Variants in GRIK2 observed in about 807,000 individuals in gnomAD.
GRIK2 encodes glutamate ionotropic receptor kainate type subunit 2.
In GRIK2, 32 loss-of-function variants were observed where a neutral mutation model predicts 100.3. The ratio of observed to expected loss-of-function variants is 0.32; its 90% CI spans 0.24 to 0.43. The LOEUF (loss-of-function observed/expected upper bound fraction) is 0.43. Among genes scored for constraint, GRIK2 ranks in the 20% least tolerant of loss-of-function variants. GRIK2 has a pLI of 1.00. For synonymous variants in GRIK2, 417 were observed against 389.4 expected (o/e 1.07, Z -0.83); for missense variants, 843 against 1,114.9 (o/e 0.76, Z 3.47).
intron 12 of GRIK2, chr6:101,891,710 T>C (rs940228632): frequency 5.6e-5 from 18 of 319,614 alleles, no homozygotes; most frequent in African/African-American, 4.1e-4. Flanking sequence ...TATTGCCATA[T>C]AGCATTTGAA....
chr6:101,822,625 C>A (rs572271852), intron 10 of GRIK2, among the ~76,000 whole-genome samples: 1 of 152,170 alleles, frequency 6.6e-6, no homozygotes, highest in Admixed American at 6.5e-5. Context: ...TACATGCCTA[C>A]TGTGTCCCAG....
intron 11 of GRIK2, among the ~76,000 whole-genome samples, chr6:101,861,425 A>T (rs1398884658): frequency 6.6e-6 from 1 of 152,184 alleles, no homozygotes; most frequent in Non-Finnish European, 1.5e-5. Context: ...AAGTTTTAGT[A>T]GTGAAGTTTA....
chr6:101,490,935 G>A (rs1773069825), intron 2 of GRIK2, among the ~76,000 whole-genome samples: 1 of 137,990 alleles, frequency 7.2e-6, no homozygotes, highest in Admixed American at 7.4e-5. Flanking sequence ...ATGCATGCGT[G>A]CACATACACA....
intron 2 of GRIK2, among the ~76,000 whole-genome samples, chr6:101,582,197 C>A (rs1011434677): frequency 6.6e-6 from 1 of 151,932 alleles, no homozygotes; most frequent in Admixed American, 6.6e-5. Context: ...TCAGGTATTT[C>A]TCCTAATGCT....
chr6:101,404,112 C>T (rs1237966717), intron 2 of GRIK2, among the ~76,000 whole-genome samples: 5 of 152,152 alleles, frequency 3.3e-5, no homozygotes, highest in Non-Finnish European at 7.3e-5. Flanking sequence ...CTTTCAGAAG[C>T]GAACATGGTT....
intron 4 of GRIK2, among the ~76,000 whole-genome samples, chr6:101,638,573 C>T (rs750185362): frequency 9.9e-5 from 15 of 151,668 alleles, no homozygotes; most frequent in Non-Finnish European, 1.9e-4. Flanking sequence ...AATATAACCA[C>T]GGGGAAAATA....
rs536411808 is a variant in GRIK2, at chr6:101,663,622, C to T, written c.542-13001C>T. On this transcript the variant is annotated intron_variant, in intron 4 of 16. Coordinates refer to ENST00000369134, the MANE Select transcript of GRIK2 (RefSeq NM_021956.5). ...CTCTGTGTCTTCTTTTAAAAAGATG[C>T]CCGTTTGGTGAAAAATAAGAGTGAC... is the stretch of plus-strand genomic sequence containing the variant. Among the ~76,000 whole-genome samples, 10 of 152,246 alleles carry T rather than the reference C, an allele frequency of 6.6e-5. No homozygotes were observed. The South Asian group carries it at 1.9e-3, about 28-fold the overall frequency.
intron 2 of GRIK2, among the ~76,000 whole-genome samples, chr6:101,537,287 C>A (rs1237532082): frequency 6.6e-6 from 1 of 151,740 alleles, no homozygotes; most frequent in Admixed American, 6.6e-5. Context: ...TCAACTGAAA[C>A]AACTTTATTT....
intron 14 of GRIK2, among the ~76,000 whole-genome samples, chr6:102,002,834 T>C (rs1373769422): frequency 2.0e-5 from 3 of 150,976 alleles, no homozygotes; most frequent in East Asian, 3.9e-4. Context: ...TTTATAAATA[T>C]ATAAAAAGGC....
At chr6:101,784,674 T>C (rs1377482876) in intron 7 of GRIK2, among the ~76,000 whole-genome samples, 4 of 152,170 alleles carry the variant, frequency 2.6e-5, no homozygotes, top group Non-Finnish European at 1.5e-5. Flanking sequence ...CTCATGATAG[T>C]GAGGGAATTC....
Position 101,858,179 on chromosome 6 carries a change from T to A in GRIK2, c.1318-1108T>A, listed in dbSNP as rs183198316. 5.1e-4 allele frequency among the ~76,000 whole-genome samples: 78 copies of A among 152,234 alleles called. 1 individual carries two copies. The highest frequency in any genetic ancestry group is 1.9e-3 in the Admixed American group (29 of 15,294). ...GACCTATTTTATGTTTTTATACCAC[T>A]TAGGAGGATCTGATAATATGTGTTG... On this transcript the variant is annotated intron_variant, in intron 10 of 16. Coordinates refer to ENST00000369134, the MANE Select transcript of GRIK2 (RefSeq NM_021956.5).
At chr6:101,545,628 G>T (rs985601859) in intron 2 of GRIK2, among the ~76,000 whole-genome samples, 11 of 152,120 alleles carry the variant, frequency 7.2e-5, no homozygotes, top group African/African-American at 2.2e-4. Flanking sequence ...GAAATATACT[G>T]TGAATTTGTT....
chr6:101,463,192 C>A (rs1182059108), intron 2 of GRIK2, among the ~76,000 whole-genome samples: 1 of 152,070 alleles, frequency 6.6e-6, no homozygotes, highest in Non-Finnish European at 1.5e-5. Context: ...AGACATTTTA[C>A]AGGCAGTGTT....
intron 4 of GRIK2, among the ~76,000 whole-genome samples, chr6:101,651,107 A>C (rs1345838203): frequency 6.7e-6 from 1 of 149,188 alleles, no homozygotes; most frequent in Non-Finnish European, 1.5e-5. Context: ...TTTCACTCTC[A>C]TCTTCACTTT....
chr6:101,813,771 C>T (rs1781475181), intron 9 of GRIK2, among the ~76,000 whole-genome samples: 1 of 151,962 alleles, frequency 6.6e-6, no homozygotes, highest in Non-Finnish European at 1.5e-5. Context: ...CAAGACCAGC[C>T]TGGCCAATAT....
intron 2 of GRIK2, among the ~76,000 whole-genome samples, chr6:101,419,412 G>T (rs1776309078): frequency 6.6e-6 from 1 of 152,270 alleles, no homozygotes; most frequent in African/African-American, 2.4e-5. Flanking sequence ...ACATACAAAG[G>T]TGGCTGAGGT....
At chr6:101,878,272 A>G (rs765801618) in intron 11 of GRIK2, among the ~76,000 whole-genome samples, 6 of 151,486 alleles carry the variant, frequency 4.0e-5, no homozygotes, top group African/African-American at 9.7e-5. Context: ...GAAATTATCA[A>G]TAGAGTAAAC....
chr6:101,661,057 C>G (rs1233425410), intron 4 of GRIK2, among the ~76,000 whole-genome samples: 2 of 152,144 alleles, frequency 1.3e-5, no homozygotes, highest in Non-Finnish European at 2.9e-5. Flanking sequence ...ATGTTTAAGT[C>G]TGCTGAATCT....
intron 14 of GRIK2, among the ~76,000 whole-genome samples, chr6:101,984,619 A>ACACG (rs1554186974): frequency 7.1e-6 from 1 of 141,132 alleles, no homozygotes; most frequent in East Asian, 2.0e-4. Flanking sequence ...ATTAAAACAC[A>ACACG]CACACACACA....
Sources: gnomAD v4.1 joint callset for allele counts (sites outside exome capture counted in the v4.1 genomes callset) on GRCh38, gnomAD v4.1.1 for gene constraint, MANE v1.5 for transcripts, NCBI Gene and HGNC (gene_info 2026-07-23, HGNC 2026-07-21) for gene names.